The following TRMT2B variants were observed in gnomAD, a reference collection of about 807,000 sequenced individuals.
TRMT2B encodes tRNA methyltransferase 2B, also known as tRNA (uracil-5-)-methyltransferase homolog B.
A neutral mutation model predicts 39.7 loss-of-function variants in TRMT2B; 34 were observed. That is an observed-to-expected ratio of 0.86 (90% CI 0.65 to 1.14). The LOEUF (loss-of-function observed/expected upper bound fraction) is 1.14, where lower values mean the gene tolerates loss of function less well. TRMT2B is among the 50% of genes most tolerant of loss of function. TRMT2B has a pLI of 0.00. For synonymous variants in TRMT2B, 132 were observed against 137.3 expected, an observed-to-expected ratio of 0.96 and a Z score of 0.27; for missense variants, 318 against 377.2, an observed-to-expected ratio of 0.84 and a Z score of 1.30.
intron 6 of TRMT2B, among the ~76,000 whole-genome samples, chrX:101,036,034 A>T (rs1458491066): frequency 8.9e-6 from 1 of 112,314 alleles, no homozygotes; most frequent in Non-Finnish European, 1.9e-5. Flanking sequence ...CACAGGAGGG[A>T]AAAAAGCCAA....
At chrX:101,045,454 C>A (rs1334814821) in intron 2 of TRMT2B, among the ~76,000 whole-genome samples, 1 of 91,015 alleles carries the variant, frequency 1.1e-5, no homozygotes, top group South Asian at 5.2e-4. Flanking sequence ...AACTTCATCT[C>A]GAAAAAAAAA....
chrX:100,985,867 T>C, the TRMT2B span: 2 of 1,210,931 alleles, frequency 1.7e-6, no homozygotes, highest in Non-Finnish European at 2.2e-6. Context: ...GAAGATCATC[T>C]TAACACATCT....
intron 13 of TRMT2B, chrX:101,015,751 A>AT (rs988023856): frequency 3.9e-6 from 1 of 255,302 alleles, no homozygotes; most frequent in South Asian, 2.0e-4. Flanking sequence ...TAAATTAATG[A>AT]TTTTTTTAAT....
In TRMT2B at chrX:101,021,385, T is replaced by A. The variant is rs375679250; in HGVS notation, c.852-70A>T. On this transcript the variant is annotated intron_variant, in intron 9 of 13. Coordinates refer to ENST00000372936, the MANE Select transcript of TRMT2B (RefSeq NM_024917.6). ...GGCTCACGCCTGTAATCCCAGCACT[T>A]TGGGAGGCCGAGGCGGGCAGATCAC... is the stretch of plus-strand genomic sequence containing the variant. 618 of 983,796 alleles carry A rather than the reference T, an allele frequency of 6.3e-4. 8 individuals are homozygous for A. In the African/African-American group the frequency reaches 0.011, roughly 17 times the overall value. The allele number at this position is 983,796 out of a possible 1,213,427, so 81.1% of individuals were successfully genotyped here.
chrX:101,023,712 C>T, intron 7 of TRMT2B, 96 bp from the exon 8 acceptor site: 1 of 916,188 alleles, frequency 1.1e-6, no homozygotes, highest in Non-Finnish European at 1.5e-6. Context: ...TTGTGTCCCC[C>T]AAAAATTCCT....
At position 101,032,921 on chromosome X, in the gene TRMT2B, A is replaced by C. The variant is rs1265731105; in HGVS notation, c.609+2692T>G. Among the ~76,000 whole-genome samples, 4 of 110,850 alleles carry C rather than the reference A, an allele frequency of 3.6e-5. No individual in the cohort carries two copies. In the Admixed American group the frequency reaches 3.9e-4, roughly 11 times the overall value. On this transcript the variant is annotated intron_variant, in intron 7 of 13. Coordinates refer to ENST00000372936, the MANE Select transcript of TRMT2B (RefSeq NM_024917.6). ...TCAACTGAAGCTTTTGAGATATGGA[A>C]AATATTGATGAATATCTGACAGATC...
intron 7 of TRMT2B, among the ~76,000 whole-genome samples, chrX:101,026,475 C>CAA (rs55926567): frequency 0.037 from 2,390 of 64,061 alleles, 56 homozygotes; most frequent in African/African-American, 0.062. Context: ...AACTCCGTCT[C>CAA]AAAAAAAAAA....
the TRMT2B span, among the ~76,000 whole-genome samples, chrX:100,977,347 G>C: frequency 1.0e-5 from 1 of 96,728 alleles, no homozygotes; most frequent in Admixed American, 1.2e-4. Context: ...CCACCCTGTA[G>C]TAATTATCCT....
chrX:100,997,148 T>G, the TRMT2B span, among the ~76,000 whole-genome samples: 1 of 111,832 alleles, frequency 8.9e-6, no homozygotes, highest in East Asian at 2.8e-4. Context: ...GTGAGTAAAA[T>G]TCTCTCCCTC....
chrX:100,990,898 T>C, the TRMT2B span: 1 of 203,644 alleles, frequency 4.9e-6, no homozygotes, highest in Non-Finnish European at 8.9e-6. Context: ...CCCCAGACAC[T>C]GTCTGTGAAG....
At chrX:101,007,714 A>G (rs548621512), downstream of TRMT2B, among the ~76,000 whole-genome samples, 4 of 111,629 alleles carry the variant, frequency 3.6e-5, no homozygotes, top group Middle Eastern at 0.014. Flanking sequence ...ACAGATTTTA[A>G]GTAATGGAGA....
intron 13 of TRMT2B, among the ~76,000 whole-genome samples, chrX:101,014,643 G>A (rs183609323): frequency 1.6e-4 from 18 of 110,143 alleles, no homozygotes; most frequent in East Asian, 5.7e-4. Context: ...AGGCTCAAGC[G>A]ATCCGCCTAT....
intron 5 of TRMT2B, 27 bp from the exon 6 acceptor site, chrX:101,037,100 G>A: frequency 3.7e-6 from 4 of 1,072,750 alleles, no homozygotes; most frequent in Non-Finnish European, 5.2e-6. Context: ...GACAGGAGGG[G>A]GATGAGAGGT....
rs776600610 is a variant in TRMT2B at position 101,019,309 on chromosome X, C to T, written c.1263G>A (p.Val421=). Residue 421 remains valine, a synonymous_variant, in exon 12 of 14, where the codon GTG becomes GTA. Transcript: ENST00000372936. The part of the protein sequence containing the change: ...SKEDGQSIVA[V]VNPARAGLHY... ...GCAGTCCGGCACGGGCTGGGTTCACCACAGCAACAATTGACTGTCCATCTT... is the reference window on the plus strand; with the variant it reads ...GCAGTCCGGCACGGGCTGGGTTCACTACAGCAACAATTGACTGTCCATCTT... 1 of 1,211,693 alleles carries T rather than the reference C, an allele frequency of 8.3e-7. No individual in the cohort carries two copies. Among genetic ancestry groups the T allele is most frequent in the South Asian group, 1.8e-5 (1 of 57,005 alleles).
chrX:101,000,907 G>A, the TRMT2B span, among the ~76,000 whole-genome samples: 1 of 111,972 alleles, frequency 8.9e-6, no homozygotes, highest in Non-Finnish European at 1.9e-5. Context: ...AACCAAGGCT[G>A]AGAATAGTTG....
intron 13 of TRMT2B, among the ~76,000 whole-genome samples, chrX:101,017,911 G>A (rs1318072109): frequency 2.7e-5 from 3 of 111,960 alleles, no homozygotes; most frequent in African/African-American, 9.7e-5. Context: ...TGTTCATCAT[G>A]AATTATTTTG....
intron 2 of TRMT2B, among the ~76,000 whole-genome samples, chrX:101,048,107 TACACATACACACACACAC>T (rs2088804459): frequency 1.9e-5 from 1 of 53,203 alleles, no homozygotes; most frequent in Admixed American, 2.5e-4. Flanking sequence ...TTTACATTTA[TACACATACACACACACAC>T]ACACACACAC....
chrX:100,977,768 C>G, the TRMT2B span, among the ~76,000 whole-genome samples: 4 of 112,408 alleles, frequency 3.6e-5, no homozygotes, highest in Non-Finnish European at 7.5e-5. Context: ...ATTTATCTTT[C>G]TGTGCCTGGC....
chrX:100,997,239 ATAGT>A, the TRMT2B span, among the ~76,000 whole-genome samples: 3 of 112,090 alleles, frequency 2.7e-5, no homozygotes, highest in African/African-American at 9.7e-5. Flanking sequence ...TCCAAAGACT[ATAGT>A]TAGTTTCTTT....
Sources: allele counts gnomAD v4.1 joint callset (sites outside exome capture counted in the v4.1 genomes callset), GRCh38; gene constraint gnomAD v4.1.1; transcripts MANE v1.5; gene names NCBI Gene and HGNC (gene_info 2026-07-23, HGNC 2026-07-21).